KIR2DL3: variants seen among roughly 807,000 people sequenced by gnomAD.
The protein encoded by KIR2DL3 is killer cell immunoglobulin-like receptor 2DL3.
A neutral mutation model predicts 33.8 loss-of-function variants in KIR2DL3; 39 were observed. That is an observed-to-expected ratio of 1.15 (90% CI 0.89 to 1.51). The LOEUF (loss-of-function observed/expected upper bound fraction) is 1.51, where lower values mean the gene tolerates loss of function less well. Among genes scored for constraint, KIR2DL3 ranks in the 40% most tolerant of loss-of-function variants. The pLI is 0.00. For missense variants in KIR2DL3, 462 were observed against 426.2 expected, an observed-to-expected ratio of 1.08 and a Z score of -0.74; for synonymous variants, 174 against 160.2, an observed-to-expected ratio of 1.09 and a Z score of -0.65.
Position 54,752,741 on chromosome 19 carries a change from G to A in KIR2DL3, c.*222G>A. The A allele has an allele frequency of 1.4e-6, 1 of 701,180 alleles. No individual in the cohort carries two copies. The highest frequency in any genetic ancestry group is 2.9e-5 in the Admixed American group (1 of 34,390). 43.4% of individuals were successfully genotyped at this position (701,180 alleles called of 1,614,324 possible). A position where few individuals can be genotyped will look rare whatever the true frequency, so the allele number is the denominator to read the frequency against. ...ATGTCTAAGGTCCCCACTGCCTGCT[G>A]GAGAGAAAACACACTCCTTTGCTTA... On this transcript the variant is annotated 3_prime_UTR_variant, in exon 8 of 8. Coordinates refer to ENST00000342376, the MANE Select transcript of KIR2DL3 (RefSeq NM_015868.3).
intron 2 of KIR2DL3, among the ~76,000 whole-genome samples, chr19:54,740,913 G>C (rs2070944118): frequency 6.6e-6 from 1 of 151,926 alleles, no homozygotes; most frequent in African/African-American, 2.4e-5. Context: ...GTCTTCACCA[G>C]CTTTGAAGGT....
intron 5 of KIR2DL3, 77 bp from the exon 6 acceptor site, chr19:54,751,572 C>T (rs1361923802): frequency 4.2e-6 from 5 of 1,179,404 alleles, no homozygotes; most frequent in Admixed American, 2.0e-5. Flanking sequence ...GGTTACCTGT[C>T]AATCAAGAAA....
intron 5 of KIR2DL3, among the ~76,000 whole-genome samples, chr19:54,749,151 G>A (rs1351278244): frequency 6.6e-6 from 1 of 150,818 alleles, no homozygotes; most frequent in African/African-American, 2.4e-5. Flanking sequence ...AATGATGTGG[G>A]GAGAATGACA....
rs202048877 is a variant in KIR2DL3 at position 54,743,976 on chromosome 19, C to G, written c.552C>G (p.Asp184Glu). The change falls in exon 4 of 8, where the codon GAC becomes GAG. Residue 184 changes from aspartate (D) to glutamate (E), a missense_variant. Physicochemically the swap from Asp to Glu is conservative, Grantham distance 45 (BLOSUM62 2). Transcript: ENST00000342376. ...GPKVNGTFQADFPLGPATHGG... is the reference protein window; with the variant it reads ...GPKVNGTFQAEFPLGPATHGG... ...AGGTCAACGGAACATTCCAGGCCGACTTTCCTCTGGGCCCTGCCACCCACG... is the reference window on the plus strand; with the variant it reads ...AGGTCAACGGAACATTCCAGGCCGAGTTTCCTCTGGGCCCTGCCACCCACG... The G allele has an allele frequency of 6.2e-7, 1 of 1,614,132 alleles. No homozygotes were observed. The highest frequency in any genetic ancestry group is 1.1e-5 in the South Asian group (1 of 91,092).
At chr19:54,746,993 G>GA (rs1205852546) in intron 4 of KIR2DL3, among the ~76,000 whole-genome samples, 2 of 123,748 alleles carry the variant, frequency 1.6e-5, no homozygotes, top group African/African-American at 3.0e-5. Context: ...AAAGAAAAAA[G>GA]AAAAAAACAT....
At chr19:54,740,991 C>T (rs2070968253) in intron 2 of KIR2DL3, among the ~76,000 whole-genome samples, 1 of 151,680 alleles carries the variant, frequency 6.6e-6, no homozygotes, top group South Asian at 2.1e-4. Flanking sequence ...AACTGATTCT[C>T]CAGAGTCTCC....
chr19:54,741,670 C>G (rs1268331736), intron 2 of KIR2DL3, among the ~76,000 whole-genome samples: 1 of 151,972 alleles, frequency 6.6e-6, no homozygotes, highest in African/African-American at 2.4e-5. Context: ...GCAGCCTATC[C>G]TGGTTCCTCT....
chr19:54,742,664 T>C (rs1479999858), intron 3 of KIR2DL3, among the ~76,000 whole-genome samples: 1 of 150,538 alleles, frequency 6.6e-6, no homozygotes, highest in Non-Finnish European at 1.5e-5. Context: ...CCCATATTTA[T>C]GACCTGAGTT....
intron 5 of KIR2DL3, among the ~76,000 whole-genome samples, 175 bp from the exon 6 acceptor site, chr19:54,751,474 T>C (rs1400808379): frequency 7.5e-6 from 1 of 133,504 alleles, no homozygotes; most frequent in African/African-American, 2.8e-5. Flanking sequence ...ACACGTTCTA[T>C]GGTTACTATG....
At chr19:54,748,041 G>T (rs1257860682) in intron 5 of KIR2DL3, among the ~76,000 whole-genome samples, 3 of 151,746 alleles carry the variant, frequency 2.0e-5, no homozygotes, top group African/African-American at 7.3e-5. Flanking sequence ...TAAAATCAAG[G>T]TGACAGCAAG....
chr19:54,743,802 T>A lies in KIR2DL3; in HGVS notation c.378T>A (p.Tyr126Ter), dbSNP rs752535851. ...DPLDIVITGL[Y>*]EKPSLSAQPG... The stretch of plus-strand genomic sequence containing the variant: ...ATGCCTCTTCTCCTCCAGGTCTATA[T>A]GAGAAACCTTCTCTCTCAGCCCAGC... The change falls in exon 4 of 8, where the codon TAT becomes TAA. Residue 126 changes from tyrosine (Y) to a stop codon, truncating the protein, a stop_gained. Transcript: ENST00000342376. LOFTEE classifies it high-confidence loss of function. 1.9e-6 allele frequency: 3 copies of A among 1,602,998 alleles called. No homozygotes were observed. The highest frequency in any genetic ancestry group is 2.6e-6 in the Non-Finnish European group (3 of 1,174,448).
At chr19:54,741,454 G>A (rs112005178) in intron 2 of KIR2DL3, among the ~76,000 whole-genome samples, 1 of 152,294 alleles carries the variant, frequency 6.6e-6, no homozygotes, top group East Asian at 1.9e-4. Context: ...GGGAGGGGTT[G>A]ATACTCCTCC....
At chr19:54,747,519 T>G (rs1403116869) in intron 5 of KIR2DL3, 134 bp downstream of exon 5, 6 of 1,204,076 alleles carry the variant, frequency 5.0e-6, no homozygotes, top group Non-Finnish European at 7.4e-6. Context: ...CTCCAGATAC[T>G]CCAACAGCGA....
At chr19:54,744,774 A>G (rs2071976317) in intron 4 of KIR2DL3, among the ~76,000 whole-genome samples, 1 of 149,876 alleles carries the variant, frequency 6.7e-6, no homozygotes, top group Non-Finnish European at 1.5e-5. Context: ...ATCCACCCGC[A>G]TCTGCCTCCC....
intron 1 of KIR2DL3, 79 bp downstream of exon 1, chr19:54,738,658 G>T: frequency 6.2e-7 from 1 of 1,605,492 alleles, no homozygotes; most frequent in Non-Finnish European, 8.5e-7. Flanking sequence ...AGGCCTGGAA[G>T]TGGAGTTATG....
chr19:54,738,942 G>A (rs1453632491), intron 1 of KIR2DL3, among the ~76,000 whole-genome samples: 1 of 112,702 alleles, frequency 8.9e-6, no homozygotes, highest in Non-Finnish European at 2.0e-5. Context: ...GGAGATATGG[G>A]CCTGGAGGTG....
At chr19:54,750,289 G>A (rs1287868411) in intron 5 of KIR2DL3, among the ~76,000 whole-genome samples, 3 of 136,780 alleles carry the variant, frequency 2.2e-5, no homozygotes, top group Non-Finnish European at 3.2e-5. Flanking sequence ...AGAGATCAGT[G>A]CCAGCACTAG....
chr19:54,752,124 C>G lies in KIR2DL3; in HGVS notation c.821-92C>G, dbSNP rs141669311. The G allele has an allele frequency of 1.6e-3, 2,125 of 1,339,008 alleles. 251 individuals carry two copies. The African/African-American group carries it at 0.03, about 19-fold the overall frequency. The allele number at this position is 1,339,008 out of a possible 1,614,324, so 82.9% of individuals were successfully genotyped here. ...TTGGCAACTGAGGGACCTCAGGCTC[C>G]TATGGTCTCCCCCTGTATGTTGGTA... On this transcript the variant is annotated intron_variant, in intron 6 of 7. Coordinates refer to ENST00000342376, the MANE Select transcript of KIR2DL3 (RefSeq NM_015868.3).
chr19:54,750,763 G>C (rs1159430391), intron 5 of KIR2DL3, among the ~76,000 whole-genome samples: 1 of 136,506 alleles, frequency 7.3e-6, no homozygotes, highest in African/African-American at 2.8e-5. Flanking sequence ...TAAGCAGCGA[G>C]TGACAACAGA....
Sources: allele counts gnomAD v4.1 joint callset (sites outside exome capture counted in the v4.1 genomes callset), GRCh38; gene constraint gnomAD v4.1.1; transcripts MANE v1.5; gene names NCBI Gene and HGNC (gene_info 2026-07-23, HGNC 2026-07-21).